Variants in HLTF observed in about 807,000 individuals in gnomAD.
HLTF encodes helicase like transcription factor.
In HLTF, 127 loss-of-function variants were observed where a neutral mutation model predicts 129.4. The observed-to-expected ratio is 0.98, with a 90% confidence interval of 0.85 to 1.14. The LOEUF is 1.14. HLTF is among the 50% of genes most tolerant of loss of function. The probability of loss-of-function intolerance (pLI) is 0.00; values close to 1 mark genes in which losing one functional copy is unlikely to be tolerated. For synonymous variants in HLTF, 332 were observed against 388.8 expected (o/e 0.85, Z 1.72); for missense variants, 1,139 against 1,187.1 (o/e 0.96, Z 0.60).
intron 8 of HLTF, 56 bp from the exon 9 acceptor site, chr3:149,064,922 A>G (rs1718228959): frequency 2.0e-6 from 2 of 988,446 alleles, no homozygotes; most frequent in Non-Finnish European, 3.2e-6. Flanking sequence ...AAATAACTTT[A>G]AATGCATCCT....
rs768012806 is a variant in HLTF at position 149,064,806 on chromosome 3, C to G, written c.1051G>C (p.Asp351His). The stretch of plus-strand genomic sequence containing the variant: ...TAGCATTTACCTTTGCTTAGTCCAT[C>G]TGCCTTTTCACTGGTATTGTTTCCT... The part of the protein sequence containing the change: ...LGGNNTSEKA[D>H]GLSKDASRCS... The change falls in exon 9 of 25, where the codon GAT (aspartate) becomes CAT (histidine). Residue 351 changes from aspartate to histidine, a missense_variant. Physicochemically the swap from Asp to His is moderately conservative, Grantham distance 81 (BLOSUM62 -1). Coordinates refer to ENST00000310053, the MANE Select transcript of HLTF (RefSeq NM_003071.4). 1 of 1,589,670 alleles carries G rather than the reference C, an allele frequency of 6.3e-7. No homozygotes were observed. Among genetic ancestry groups the G allele is most frequent in the East Asian group, 2.2e-5 (1 of 44,654 alleles).
chr3:149,039,678 G>A lies in HLTF; in HGVS notation c.2518C>T (p.His840Tyr). Reference sequence around the variant, plus strand: ...TTCTTTCTTAAGTCAGTCAATGCGTGCATTAGCGCATTAATCTGCAAAAAA... The same window carrying A: ...TTCTTTCTTAAGTCAGTCAATGCGTACATTAGCGCATTAATCTGCAAAAAA... ...TSSSKINALM[H>Y]ALTDLRKKNP... The change falls in exon 22 of 25, where the codon CAC (histidine) becomes TAC (tyrosine). Residue 840 changes from histidine to tyrosine, a missense_variant. Physicochemically the swap from His to Tyr is moderately conservative, Grantham distance 83 (BLOSUM62 2). Transcript: ENST00000310053. 1 of 1,575,534 alleles carries A rather than the reference G, an allele frequency of 6.3e-7. No individual in the cohort carries two copies. The highest frequency in any genetic ancestry group is 8.6e-7 in the Non-Finnish European group (1 of 1,159,356).
chr3:149,083,332 A>C (rs1720049483), intron 2 of HLTF, among the ~76,000 whole-genome samples: 1 of 152,154 alleles, frequency 6.6e-6, no homozygotes, highest in Admixed American at 6.5e-5. Flanking sequence ...CCTGGAAAAA[A>C]ATAAAATTTA....
intron 7 of HLTF, 76 bp from the exon 8 acceptor site, chr3:149,068,411 T>C: frequency 1.5e-6 from 1 of 669,188 alleles, no homozygotes; most frequent in South Asian, 2.0e-5. Flanking sequence ...CATTTTAAAA[T>C]CAAGTAATCG....
rs757247931 is a variant in HLTF, at chr3:149,060,611, G to A, written c.1285+32C>T. 5.3e-6 allele frequency: 8 copies of A among 1,504,102 alleles called. No individual in the cohort carries two copies. In the Admixed American group the frequency reaches 1.4e-4, roughly 27 times the overall value. The allele number at this position is 1,504,102 out of a possible 1,614,324, so 93.2% of individuals were successfully genotyped here. On this transcript the variant is annotated intron_variant, in intron 12 of 24. Coordinates refer to ENST00000310053, the MANE Select transcript of HLTF (RefSeq NM_003071.4). ...GGAGCTGTACTTTAATAATCTTGAAGTCTAGATTATGGGTATATAGTATAC... is the reference window on the plus strand; with the variant it reads ...GGAGCTGTACTTTAATAATCTTGAAATCTAGATTATGGGTATATAGTATAC...
At chr3:149,078,833 G>A (rs1719622399) in intron 2 of HLTF, among the ~76,000 whole-genome samples, 1 of 151,270 alleles carries the variant, frequency 6.6e-6, no homozygotes, top group South Asian at 2.1e-4. Context: ...CTCCAGCCTG[G>A]GCGACAAAGC....
At position 149,068,187 on chromosome 3, in the gene HLTF, G is replaced by C. The variant is rs369603637; in HGVS notation, c.990+53C>G. The C allele has an allele frequency of 1.7e-4, 124 of 731,966 alleles. No homozygotes were observed. In the African/African-American group the frequency reaches 2.2e-3, roughly 13 times the overall value. 45.3% of individuals were successfully genotyped at this position (731,966 alleles called of 1,614,324 possible). A position where few individuals can be genotyped will look rare whatever the true frequency, so the allele number is the denominator to read the frequency against. ...GTTTTTTTTAATGATGAAATTTAAA[G>C]ATTTCACAATAAACTGGAGGTTTCA... On this transcript the variant is annotated intron_variant, in intron 8 of 24. Transcript: ENST00000310053.
At position 149,059,772 on chromosome 3, in the gene HLTF, C is replaced by G; in HGVS notation, c.1321G>C (p.Ala441Pro). The change falls in exon 13 of 25, where the codon GCA (alanine) becomes CCA (proline). Residue 441 changes from alanine (A) to proline (P), a missense_variant. Coordinates refer to ENST00000310053, the MANE Select transcript of HLTF (RefSeq NM_003071.4). Reference protein sequence around the residue: ...SSKVIEDVAFACALTSSVPTT... With the variant: ...SSKVIEDVAFPCALTSSVPTT... ...GGAACAGATGAAGTTAATGCACATG[C>G]AAATGCCACATCTTCTATAACCTTA... 1 of 1,603,878 alleles carries G rather than the reference C, an allele frequency of 6.2e-7. No homozygotes were observed. Among genetic ancestry groups the G allele is most frequent in the Non-Finnish European group, 8.5e-7 (1 of 1,176,010 alleles).
At chr3:149,068,980 C>T (rs1006913619) in intron 7 of HLTF, among the ~76,000 whole-genome samples, 1 of 152,028 alleles carries the variant, frequency 6.6e-6, no homozygotes, top group Non-Finnish European at 1.5e-5. Context: ...CACGAAAATG[C>T]AAAGTCAAAA....
chr3:149,039,533 A>G, intron 22 of HLTF, 48 bp downstream of exon 22: 1 of 875,460 alleles, frequency 1.1e-6, no homozygotes, highest in African/African-American at 1.7e-5. Flanking sequence ...AATCAATATG[A>G]TTATATAAAA....
chr3:149,085,339 A>T (rs1360121905), intron 1 of HLTF, among the ~76,000 whole-genome samples: 1 of 152,190 alleles, frequency 6.6e-6, no homozygotes, highest in Non-Finnish European at 1.5e-5. Flanking sequence ...AAATACAAAA[A>T]TTAGCCAGGC....
chr3:149,047,594 A>T (rs1224030790), intron 17 of HLTF, among the ~76,000 whole-genome samples: 2 of 152,206 alleles, frequency 1.3e-5, no homozygotes, highest in African/African-American at 2.4e-5. Context: ...GTGAGCCAAG[A>T]TCGCGCCACT....
At chr3:149,062,525 G>C (rs1478858817) in intron 10 of HLTF, among the ~76,000 whole-genome samples, 4 of 152,166 alleles carry the variant, frequency 2.6e-5, no homozygotes, top group Non-Finnish European at 5.9e-5. Flanking sequence ...GATACTGATG[G>C]TAGACAATAC....
chr3:149,055,517 A>G, intron 13 of HLTF, 117 bp from the exon 14 acceptor site: 1 of 695,052 alleles, frequency 1.4e-6, no homozygotes, highest in Non-Finnish European at 2.5e-6. Flanking sequence ...ATTAAAATGA[A>G]GCAGATGGAC....
chr3:149,054,791 T>C (rs559164906), intron 14 of HLTF, among the ~76,000 whole-genome samples: 1 of 152,312 alleles, frequency 6.6e-6, no homozygotes, highest in East Asian at 1.9e-4. Flanking sequence ...CTGGATGACC[T>C]TAGGCAACTT....
chr3:149,042,476 A>G (rs1716211916), intron 18 of HLTF, among the ~76,000 whole-genome samples, 186 bp from the exon 19 acceptor site: 1 of 152,172 alleles, frequency 6.6e-6, no homozygotes. Flanking sequence ...ACAATATATG[A>G]GAAATGGCTG....
intron 8 of HLTF, among the ~76,000 whole-genome samples, chr3:149,066,659 T>G (rs1359401217): frequency 1.3e-5 from 2 of 152,074 alleles, no homozygotes; most frequent in Non-Finnish European, 2.9e-5. Context: ...TAACTTATCT[T>G]GGGGAAAAAT....
At chr3:149,044,934 T>C (rs1716415705) in intron 18 of HLTF, among the ~76,000 whole-genome samples, 1 of 152,152 alleles carries the variant, frequency 6.6e-6, no homozygotes, top group African/African-American at 2.4e-5. Context: ...TCTGACCTTA[T>C]TCCTATTCAA....
chr3:149,054,804 CCTCT>C, intron 14 of HLTF, among the ~76,000 whole-genome samples: 1 of 152,232 alleles, frequency 6.6e-6, no homozygotes, highest in Non-Finnish European at 1.5e-5. Flanking sequence ...GGCAACTTAA[CCTCT>C]CTGTGTTTCA....
Sources: gnomAD v4.1 joint callset for allele counts (sites outside exome capture counted in the v4.1 genomes callset) on GRCh38, gnomAD v4.1.1 for gene constraint, MANE v1.5 for transcripts, NCBI Gene and HGNC (gene_info 2026-07-23, HGNC 2026-07-21) for gene names.